KCTD8: variants seen among roughly 807,000 people sequenced by gnomAD.
KCTD8 encodes BTB/POZ domain-containing protein KCTD8.
A neutral mutation model predicts 31.5 loss-of-function variants in KCTD8; 27 were observed. That is an observed-to-expected ratio of 0.86 (90% CI 0.63 to 1.18). KCTD8 has a LOEUF of 1.18. Ranked by LOEUF, KCTD8 falls within the 50% of genes most tolerant of loss-of-function variation. The pLI is 0.00. For missense variants in KCTD8, 658 were observed against 647.7 expected (o/e 1.02, Z -0.17); for synonymous variants, 290 against 280.0 (o/e 1.04, Z -0.36).
At chr4:44,403,830 G>T (rs1261914444) in intron 1 of KCTD8, among the ~76,000 whole-genome samples, 1 of 151,800 alleles carries the variant, frequency 6.6e-6, no homozygotes, top group East Asian at 1.9e-4. Flanking sequence ...GCCAAAAAAT[G>T]TAATGTAAAG....
chr4:44,214,199 G>T (rs1714578584), intron 1 of KCTD8, among the ~76,000 whole-genome samples: 1 of 152,126 alleles, frequency 6.6e-6, no homozygotes, highest in African/African-American at 2.4e-5. Flanking sequence ...ACTCCTGTGT[G>T]TATGGATGCA....
intron 1 of KCTD8, among the ~76,000 whole-genome samples, chr4:44,412,519 ATAC>A (rs1222852349): frequency 3.3e-5 from 5 of 152,150 alleles, no homozygotes; most frequent in Non-Finnish European, 5.9e-5. Context: ...TATCCACAAG[ATAC>A]TATGCAATAC....
At chr4:44,304,642 G>A (rs36095859) in intron 1 of KCTD8, among the ~76,000 whole-genome samples, 11,439 of 152,162 alleles carry the variant, frequency 0.075, 581 homozygotes, top group Non-Finnish European at 0.11. Context: ...TATGTTGATG[G>A]CTGAAGTAAT....
intron 1 of KCTD8, among the ~76,000 whole-genome samples, chr4:44,370,220 C>T (rs2109435692): frequency 6.6e-6 from 1 of 152,124 alleles, no homozygotes; most frequent in East Asian, 1.9e-4. Context: ...ACTTCCTGAA[C>T]TCAAGTCTAC....
At chr4:44,233,538 A>T in intron 1 of KCTD8, among the ~76,000 whole-genome samples, 1 of 152,274 alleles carries the variant, frequency 6.6e-6, no homozygotes, top group Non-Finnish European at 1.5e-5. Flanking sequence ...TTGCTTCAAC[A>T]TGGCAAATAT....
chr4:44,267,601 C>G (rs1223366539), intron 1 of KCTD8, among the ~76,000 whole-genome samples: 1 of 152,028 alleles, frequency 6.6e-6, no homozygotes, highest in Non-Finnish European at 1.5e-5. Flanking sequence ...TTAATGAATC[C>G]AGGAGCTGGT....
intron 1 of KCTD8, among the ~76,000 whole-genome samples, chr4:44,429,247 G>A (rs187886568): frequency 1.3e-5 from 2 of 151,694 alleles, no homozygotes; most frequent in African/African-American, 2.4e-5. Flanking sequence ...ATTGGTCCAC[G>A]CTTTTGTACA....
intron 1 of KCTD8, among the ~76,000 whole-genome samples, chr4:44,345,841 G>A (rs566873645): frequency 6.6e-6 from 1 of 151,758 alleles, no homozygotes; most frequent in African/African-American, 2.4e-5. Context: ...ACAGGTATGT[G>A]TTATATAATT....
chr4:44,308,617 T>G (rs1234116537), intron 1 of KCTD8, among the ~76,000 whole-genome samples: 1 of 152,110 alleles, frequency 6.6e-6, no homozygotes, highest in East Asian at 1.9e-4. Context: ...CAAGAACAGA[T>G]GTACTATTAA....
At chr4:44,225,760 T>C (rs1366761103) in intron 1 of KCTD8, among the ~76,000 whole-genome samples, 1 of 151,728 alleles carries the variant, frequency 6.6e-6, no homozygotes, top group Admixed American at 6.6e-5. Context: ...TATGTACATA[T>C]ACGTGTGCCA....
At chr4:44,409,694 C>A (rs1466112844) in intron 1 of KCTD8, among the ~76,000 whole-genome samples, 5 of 151,330 alleles carry the variant, frequency 3.3e-5, no homozygotes, top group Non-Finnish European at 7.4e-5. Context: ...GCTTAAGAAT[C>A]TGCAGAAAAA....
chr4:44,293,770 T>A (rs539820279), intron 1 of KCTD8: 126 of 450,790 alleles, frequency 2.8e-4, no homozygotes, highest in Admixed American at 5.1e-4. Flanking sequence ...CATAGCCACT[T>A]GAAAATTATT....
chr4:44,302,100 A>G (rs1319460196), intron 1 of KCTD8, among the ~76,000 whole-genome samples: 1 of 152,126 alleles, frequency 6.6e-6, no homozygotes, highest in African/African-American at 2.4e-5. Context: ...TACCAGTACC[A>G]TGCTGTTTTT....
At chr4:44,367,966 G>T (rs1719686648) in intron 1 of KCTD8, among the ~76,000 whole-genome samples, 1 of 152,068 alleles carries the variant, frequency 6.6e-6, no homozygotes, top group African/African-American at 2.4e-5. Flanking sequence ...TGAAGCTGAA[G>T]GCCTCTGATA....
At chr4:44,347,371 T>C (rs1295984573) in intron 1 of KCTD8, among the ~76,000 whole-genome samples, 1 of 152,172 alleles carries the variant, frequency 6.6e-6, no homozygotes, top group Non-Finnish European at 1.5e-5. Flanking sequence ...ACAGACATGA[T>C]GGCAAGTGAC....
intron 1 of KCTD8, among the ~76,000 whole-genome samples, chr4:44,250,336 A>G (rs1371615082): frequency 6.6e-6 from 1 of 151,818 alleles, no homozygotes; most frequent in Non-Finnish European, 1.5e-5. Context: ...ATGAGAGTCT[A>G]ATGAAATCCC....
At chr4:44,380,642 C>T (rs1274849399) in intron 1 of KCTD8, among the ~76,000 whole-genome samples, 3 of 151,816 alleles carry the variant, frequency 2.0e-5, no homozygotes, top group Non-Finnish European at 2.9e-5. Context: ...GTTTCCACAA[C>T]GCTTCTGTGG....
intron 1 of KCTD8, among the ~76,000 whole-genome samples, chr4:44,335,552 A>G (rs974211814): frequency 2.6e-5 from 4 of 152,158 alleles, no homozygotes; most frequent in African/African-American, 9.6e-5. Context: ...TATTCATTAG[A>G]AGTAAATTTA....
chr4:44,353,229 G>C (rs892625680), intron 1 of KCTD8, among the ~76,000 whole-genome samples: 1 of 151,998 alleles, frequency 6.6e-6, no homozygotes, highest in African/African-American at 2.4e-5. Context: ...TTTTGTGTCT[G>C]CTTCATTTGG....
Sources: allele counts gnomAD v4.1 joint callset (sites outside exome capture counted in the v4.1 genomes callset), GRCh38; gene constraint gnomAD v4.1.1; transcripts MANE v1.5; gene names NCBI Gene and HGNC (gene_info 2026-07-23, HGNC 2026-07-21).